Variants in GALNTL6 observed in about 807,000 individuals in gnomAD.
The protein encoded by GALNTL6 is polypeptide N-acetylgalactosaminyltransferase like 6, also known as polypeptide N-acetylgalactosaminyltransferase-like 6.
GALNTL6 carries 46 observed loss-of-function variants against 73.7 expected under a neutral mutation model. The observed-to-expected ratio is 0.62, with a 90% CI of 0.49 to 0.80. The LOEUF (loss-of-function observed/expected upper bound fraction) is 0.80. Among genes scored for constraint, GALNTL6 ranks in the 30% least tolerant of loss-of-function variants. The pLI is 0.00. For synonymous variants in GALNTL6, 259 were observed against 263.7 expected (o/e 0.98, Z 0.17); for missense variants, 604 against 755.0 (o/e 0.80, Z 2.34).
At chr4:172,635,878 A>T (rs913626389) in intron 5 of GALNTL6, among the ~76,000 whole-genome samples, 1 of 152,222 alleles carries the variant, frequency 6.6e-6, no homozygotes, top group Non-Finnish European at 1.5e-5. Context: ...ATTTGGCTTC[A>T]TCCACTAAAC....
intron 2 of GALNTL6, among the ~76,000 whole-genome samples, chr4:171,987,307 A>C (rs1459993765): frequency 6.6e-6 from 1 of 152,160 alleles, no homozygotes; most frequent in African/African-American, 2.4e-5. Flanking sequence ...GTTTGACTGA[A>C]TACTAAGAGC....
chr4:172,245,057 A>C (rs1737575468), intron 3 of GALNTL6, among the ~76,000 whole-genome samples: 1 of 152,180 alleles, frequency 6.6e-6, no homozygotes, highest in Middle Eastern at 3.2e-3. Context: ...TCAAGACGAA[A>C]AAGATCAGAA....
intron 5 of GALNTL6, among the ~76,000 whole-genome samples, chr4:172,712,913 C>G (rs546600121): frequency 6.6e-6 from 1 of 152,026 alleles, no homozygotes; most frequent in East Asian, 1.9e-4. Flanking sequence ...GCCACTTGCT[C>G]TCACCAAGAC....
At chr4:172,376,588 G>T (rs182392560) in intron 5 of GALNTL6, among the ~76,000 whole-genome samples, 1 of 151,716 alleles carries the variant, frequency 6.6e-6, no homozygotes. Context: ...CACGCTAGTC[G>T]CTTTTAACTG....
chr4:172,309,609 A>C (rs1383886667), intron 3 of GALNTL6, among the ~76,000 whole-genome samples: 1 of 152,090 alleles, frequency 6.6e-6, no homozygotes, highest in Admixed American at 6.5e-5. Flanking sequence ...ACCAGAGTAA[A>C]TGCCTGTTAA....
chr4:171,916,138 T>A (rs1280240627), intron 2 of GALNTL6, among the ~76,000 whole-genome samples: 1 of 152,106 alleles, frequency 6.6e-6, no homozygotes, highest in East Asian at 1.9e-4. Context: ...AATTATTGAT[T>A]ATAGTTACAT....
intron 2 of GALNTL6, among the ~76,000 whole-genome samples, chr4:172,150,725 G>C (rs1734061004): frequency 6.6e-6 from 1 of 152,078 alleles, no homozygotes; most frequent in Admixed American, 6.6e-5. Context: ...AGGGAGAAGA[G>C]GATCAGTGGA....
At chr4:172,501,592 T>TG (rs1734262916) in intron 5 of GALNTL6, among the ~76,000 whole-genome samples, 1 of 152,126 alleles carries the variant, frequency 6.6e-6, no homozygotes, top group Non-Finnish European at 1.5e-5. Flanking sequence ...AAGTATGTAC[T>TG]TACAGGAGAC....
chr4:172,382,906 T>G (rs1174516531), intron 5 of GALNTL6, among the ~76,000 whole-genome samples: 1 of 152,002 alleles, frequency 6.6e-6, no homozygotes, highest in African/African-American at 2.4e-5. Context: ...GGACTGTTTT[T>G]TCCCCATTAA....
chr4:172,300,706 C>G (rs537810233), intron 3 of GALNTL6, among the ~76,000 whole-genome samples: 9 of 152,280 alleles, frequency 5.9e-5, no homozygotes, highest in Admixed American at 2.0e-4. Context: ...CCCCCACTCT[C>G]TTCTGGCTTG....
intron 5 of GALNTL6, among the ~76,000 whole-genome samples, chr4:172,786,779 AC>A (rs1452693839): frequency 6.6e-6 from 1 of 152,178 alleles, no homozygotes; most frequent in Non-Finnish European, 1.5e-5. Context: ...GCATATTTAA[AC>A]TAAAAAGAGT....
chr4:172,117,156 A>G (rs1019182325), intron 2 of GALNTL6, among the ~76,000 whole-genome samples: 11 of 152,204 alleles, frequency 7.2e-5, no homozygotes, highest in African/African-American at 1.9e-4. Context: ...GTAATAAACT[A>G]TCACACCAAC....
chr4:172,846,166 C>T (rs538730779), intron 7 of GALNTL6, among the ~76,000 whole-genome samples: 20 of 152,218 alleles, frequency 1.3e-4, no homozygotes, highest in Non-Finnish European at 2.4e-4. Flanking sequence ...CTGACATCCC[C>T]AGTTGGAATT....
rs562439401 is a variant in GALNTL6, at chr4:172,433,713, C to G, written c.553+85024C>G. ...CCTTGCCCAGTGATTTTTTTTTTCT[C>G]CATAAGCTGATACATCCTTCCATTG... is the stretch of plus-strand genomic sequence containing the variant. On this transcript the variant is annotated intron_variant, in intron 5 of 12. Coordinates refer to ENST00000506823, the MANE Select transcript of GALNTL6 (RefSeq NM_001034845.3). 1.7e-4 allele frequency among the ~76,000 whole-genome samples: 26 copies of G among 151,014 alleles called. No homozygotes were observed. The East Asian group carries it at 5.0e-3, about 29-fold the overall frequency.
At chr4:172,982,620 C>T (rs964336112) in intron 10 of GALNTL6, among the ~76,000 whole-genome samples, 1 of 152,142 alleles carries the variant, frequency 6.6e-6, no homozygotes, top group Admixed American at 6.5e-5. Flanking sequence ...CCCAGGTTTA[C>T]TACTGACTCA....
chr4:171,832,178 T>A lies in GALNTL6; in HGVS notation c.138+17460T>A, dbSNP rs181487084. Among the ~76,000 whole-genome samples, 1,142 of 151,618 alleles carry A rather than the reference T, an allele frequency of 7.5e-3. 15 individuals are homozygous for A. The highest frequency in any genetic ancestry group is 0.026 in the African/African-American group (1,099 of 41,536). On this transcript the variant is annotated intron_variant, in intron 2 of 12. Transcript: ENST00000506823. ...ATGTAAAGATTCTAATGAAATTTTTTAAAATAATGTGTTTTTAAAATATTA... is the reference window on the plus strand; with the variant it reads ...ATGTAAAGATTCTAATGAAATTTTTAAAAATAATGTGTTTTTAAAATATTA...
At chr4:172,956,931 G>C (rs371896397) in intron 10 of GALNTL6, among the ~76,000 whole-genome samples, 1 of 152,110 alleles carries the variant, frequency 6.6e-6, no homozygotes, top group Non-Finnish European at 1.5e-5. Context: ...AGTAAAGGCC[G>C]ATCTGTTATA....
intron 2 of GALNTL6, among the ~76,000 whole-genome samples, chr4:171,969,262 G>T (rs1251909689): frequency 6.6e-6 from 1 of 152,154 alleles, no homozygotes; most frequent in Non-Finnish European, 1.5e-5. Flanking sequence ...GTTTAGAGCA[G>T]TTGTCCCTCT....
In GALNTL6 at chr4:172,770,451, G is replaced by C. The variant is rs114805386; in HGVS notation, c.554-38910G>C. Among the ~76,000 whole-genome samples, 1,423 of 152,112 alleles carry C rather than the reference G, an allele frequency of 9.4e-3. 14 individuals are homozygous for C. The highest frequency in any genetic ancestry group is 0.033 in the African/African-American group (1,378 of 41,502). The stretch of plus-strand genomic sequence containing the variant: ...CAAAAAAGTCTAAGTGTACTTAAAT[G>C]TTCAGGCTGCTATATCAGGTGACAA... On this transcript the variant is annotated intron_variant, in intron 5 of 12. Transcript: ENST00000506823.
Sources: allele counts gnomAD v4.1 joint callset (sites outside exome capture counted in the v4.1 genomes callset), GRCh38; gene constraint gnomAD v4.1.1; transcripts MANE v1.5; gene names NCBI Gene and HGNC (gene_info 2026-07-23, HGNC 2026-07-21).